Variants in TYW1B observed in about 807,000 individuals in gnomAD.
TYW1B encodes tRNA-yW synthesizing protein 1 homolog B.
In TYW1B, 73 loss-of-function variants were observed where a neutral mutation model predicts 86.9. That is an observed-to-expected ratio of 0.84 (90% confidence interval 0.70 to 1.02). The LOEUF (loss-of-function observed/expected upper bound fraction) is 1.02, where lower values mean the gene tolerates loss of function less well. TYW1B is among the 50% of genes least tolerant of loss of function. The pLI is 0.00. For synonymous variants in TYW1B, 248 were observed against 292.8 expected (o/e 0.85, Z 1.56); for missense variants, 637 against 827.4 (o/e 0.77, Z 2.82).
At chr7:72,644,719 T>C (rs557918961) in intron 11 of TYW1B, among the ~76,000 whole-genome samples, 1 of 149,266 alleles carries the variant, frequency 6.7e-6, no homozygotes, top group African/African-American at 2.5e-5. Context: ...GGGAAAAAAA[T>C]CCCCACTTTA....
At chr7:72,648,252 C>T (rs1482801519) in intron 11 of TYW1B, among the ~76,000 whole-genome samples, 19 of 152,076 alleles carry the variant, frequency 1.2e-4, no homozygotes, top group Admixed American at 9.2e-4. Flanking sequence ...ACTTAAAACT[C>T]CCCTGCTCTG....
intron 6 of TYW1B, among the ~76,000 whole-genome samples, chr7:72,789,363 T>C (rs1192642701): frequency 2.7e-5 from 4 of 150,678 alleles, no homozygotes; most frequent in African/African-American, 9.8e-5. Context: ...CTCGAACTCC[T>C]GACCTCAGGT....
intron 11 of TYW1B, among the ~76,000 whole-genome samples, chr7:72,637,037 G>A (rs1189492770): frequency 6.6e-6 from 1 of 152,070 alleles, no homozygotes; most frequent in African/African-American, 2.4e-5. Context: ...TTAGCTGGGC[G>A]TGATTGAGCC....
chr7:72,624,381 C>T (rs1227824627), intron 12 of TYW1B, among the ~76,000 whole-genome samples: 1 of 152,196 alleles, frequency 6.6e-6, no homozygotes, highest in African/African-American at 2.4e-5. Flanking sequence ...AGATATCCTT[C>T]CATACTTTTC....
At position 72,776,283 on chromosome 7, in the gene TYW1B, T is replaced by C. The variant is rs782207933; in HGVS notation, c.964+1133A>G. ...CATCACTCAAAGATATACTATGAAA[T>C]GATAAAGTAGTATGGTGTAGGCCAG... On this transcript the variant is annotated intron_variant, in intron 7 of 13. Coordinates refer to ENST00000620995, the MANE Select transcript of TYW1B (RefSeq NM_001145440.3). 4.6e-5 allele frequency among the ~76,000 whole-genome samples: 7 copies of C among 151,960 alleles called. 1 individual carries two copies. The highest frequency in any genetic ancestry group is 1.0e-4 in the Non-Finnish European group (7 of 67,992).
At chr7:72,658,127 G>A (rs1241217521) in intron 11 of TYW1B, among the ~76,000 whole-genome samples, 26 of 152,048 alleles carry the variant, frequency 1.7e-4, no homozygotes, top group African/African-American at 4.6e-4. Flanking sequence ...GTGTGGTGGC[G>A]GGCGCCTGTA....
chr7:72,610,084 T>TGATG (rs1389432867), intron 13 of TYW1B, among the ~76,000 whole-genome samples: 2 of 152,210 alleles, frequency 1.3e-5, no homozygotes, highest in Non-Finnish European at 2.9e-5. Flanking sequence ...TGTGTCACAC[T>TGATG]TCTTTCAATG....
chr7:72,786,579 T>C (rs201192023), intron 6 of TYW1B, among the ~76,000 whole-genome samples: 7 of 147,892 alleles, frequency 4.7e-5, no homozygotes, highest in African/African-American at 9.9e-5. Flanking sequence ...TTTTCTTTTT[T>C]TTTTTTTTTT....
At chr7:72,661,350 G>A in intron 11 of TYW1B, among the ~76,000 whole-genome samples, 1 of 151,534 alleles carries the variant, frequency 6.6e-6, no homozygotes, top group East Asian at 1.9e-4. Context: ...GAAATTCTCT[G>A]GGTTTCTTGA....
intron 13 of TYW1B, among the ~76,000 whole-genome samples, chr7:72,578,898 G>A (rs782428057): frequency 2.0e-4 from 31 of 152,150 alleles, no homozygotes; most frequent in Non-Finnish European, 4.0e-4. Flanking sequence ...TTCCCTATTT[G>A]TGTCCCTTTG....
At chr7:72,662,773 A>G (rs1191052140) in intron 11 of TYW1B, among the ~76,000 whole-genome samples, 3 of 152,154 alleles carry the variant, frequency 2.0e-5, no homozygotes, top group Admixed American at 1.3e-4. Context: ...TGCCATGTAC[A>G]TGAGTTTCTT....
intron 11 of TYW1B, among the ~76,000 whole-genome samples, chr7:72,668,860 C>A (rs1554445790): frequency 1.3e-5 from 2 of 152,138 alleles, no homozygotes. Context: ...TTTCTGATGT[C>A]AATGTCAGCA....
intron 8 of TYW1B, among the ~76,000 whole-genome samples, chr7:72,729,744 C>T (rs1787070418): frequency 6.6e-6 from 1 of 152,078 alleles, no homozygotes; most frequent in Non-Finnish European, 1.5e-5. Context: ...CTACCGTGTG[C>T]CCTACAGGCC....
intron 3 of TYW1B, among the ~76,000 whole-genome samples, chr7:72,811,000 G>T (rs1554478082): frequency 6.6e-6 from 1 of 152,044 alleles, no homozygotes; most frequent in Non-Finnish European, 1.5e-5. Flanking sequence ...GGCCGGGTGC[G>T]GTGGCTCAAG....
intron 1 of TYW1B, among the ~76,000 whole-genome samples, chr7:72,827,539 C>A (rs1280023697): frequency 6.6e-6 from 1 of 152,124 alleles, no homozygotes; most frequent in Non-Finnish European, 1.5e-5. Context: ...TCGAAATGAG[C>A]ATTTAGAAGC....
chr7:72,704,875 CCA>C (rs1563065522), intron 10 of TYW1B, among the ~76,000 whole-genome samples: 1 of 152,130 alleles, frequency 6.6e-6, no homozygotes, highest in Non-Finnish European at 1.5e-5. Flanking sequence ...AAGCTTTTTG[CCA>C]CCTCTCTGCA....
At chr7:72,801,701 C>T (rs1455350684) in intron 6 of TYW1B, among the ~76,000 whole-genome samples, 1 of 152,100 alleles carries the variant, frequency 6.6e-6, no homozygotes, top group Non-Finnish European at 1.5e-5. Context: ...AATCCTACTG[C>T]ATCGTACATT....
chr7:72,816,505 T>C (rs1586007237), intron 2 of TYW1B, among the ~76,000 whole-genome samples: 1 of 152,172 alleles, frequency 6.6e-6, no homozygotes, highest in Non-Finnish European at 1.5e-5. Flanking sequence ...CCAGAGAAGC[T>C]CTGGGTTGGG....
intron 13 of TYW1B, among the ~76,000 whole-genome samples, chr7:72,583,301 G>A (rs1292300857): frequency 1.3e-5 from 2 of 152,206 alleles, no homozygotes; most frequent in Non-Finnish European, 2.9e-5. Flanking sequence ...AGTGAGCCGA[G>A]ATCGTGCCAC....
Sources: allele counts gnomAD v4.1 joint callset (sites outside exome capture counted in the v4.1 genomes callset), GRCh38; gene constraint gnomAD v4.1.1; transcripts MANE v1.5; gene names NCBI Gene and HGNC (gene_info 2026-07-23, HGNC 2026-07-21).